CFAP53: variants seen among roughly 807,000 people sequenced by gnomAD.
CFAP53 encodes cilia- and flagella-associated protein 53.
In CFAP53, 62 loss-of-function variants were observed where a neutral mutation model predicts 59.7. The observed-to-expected ratio is 1.04, with a 90% CI of 0.85 to 1.28. CFAP53 has a LOEUF of 1.28. Among genes scored for constraint, CFAP53 ranks in the 50% most tolerant of loss-of-function variants. The pLI is 0.00. For synonymous variants in CFAP53, 218 were observed against 205.7 expected (o/e 1.06, Z -0.51); for missense variants, 629 against 615.6 (o/e 1.02, Z -0.23).
chr18:50,252,336 T>C (rs1019595656), intron 3 of CFAP53, among the ~76,000 whole-genome samples: 1 of 152,022 alleles, frequency 6.6e-6, no homozygotes, highest in Non-Finnish European at 1.5e-5. Flanking sequence ...GATCTCCTGA[T>C]CTTGTGATCC....
chr18:50,239,313 C>T (rs1374565358), intron 6 of CFAP53, among the ~76,000 whole-genome samples: 2 of 151,790 alleles, frequency 1.3e-5, no homozygotes, highest in Non-Finnish European at 1.5e-5. Flanking sequence ...TAGATCGTGC[C>T]ACTGCATTCC....
At position 50,242,965 on chromosome 18, in the gene CFAP53, T is replaced by A. The variant is rs374139927; in HGVS notation, c.1148A>T (p.Lys383Met). ...AEKDKELRLE[K>M]EARRQLVDEV... The stretch of plus-strand genomic sequence containing the variant: ...ATCCACAAGCTGTCTCCTTGCCTCC[T>A]TTTCAAGTCTCAGCTCCTTGTCCTT... The change falls in exon 6 of 8, where the codon AAG (lysine) becomes ATG (methionine). Residue 383 changes from lysine (K) to methionine (M), a missense_variant. Lys to Met is a moderately conservative substitution (Grantham distance 95). Coordinates refer to ENST00000398545, the MANE Select transcript of CFAP53 (RefSeq NM_145020.5). The A allele has an allele frequency of 5.0e-6, 8 of 1,613,890 alleles. No homozygotes were observed. The highest frequency in any genetic ancestry group is 6.8e-6 in the Non-Finnish European group (8 of 1,180,000).
At chr18:50,259,101 T>C (rs945513223) in intron 3 of CFAP53, among the ~76,000 whole-genome samples, 2 of 152,120 alleles carry the variant, frequency 1.3e-5, no homozygotes, top group African/African-American at 4.8e-5. Context: ...CACTGCTGAG[T>C]ATAGGCCCAA....
At chr18:50,260,878 G>C (rs1389851320) in intron 3 of CFAP53, among the ~76,000 whole-genome samples, 186 bp downstream of exon 3, 2 of 152,104 alleles carry the variant, frequency 1.3e-5, no homozygotes, top group African/African-American at 4.8e-5. Flanking sequence ...AGCAAGCACA[G>C]AACATTAGAA....
At chr18:50,232,981 C>T (rs139389052) in intron 7 of CFAP53, among the ~76,000 whole-genome samples, 17 of 152,294 alleles carry the variant, frequency 1.1e-4, no homozygotes, top group African/African-American at 2.9e-4. Flanking sequence ...TTTAAAACTC[C>T]AGCTGGTTAC....
chr18:50,252,520 T>A (rs1422412524), intron 3 of CFAP53, among the ~76,000 whole-genome samples: 2 of 152,076 alleles, frequency 1.3e-5, no homozygotes, highest in African/African-American at 4.8e-5. Flanking sequence ...CCTCCCACCT[T>A]AGCCTCCCAA....
At chr18:50,230,614 A>T (rs79633770) in intron 7 of CFAP53, among the ~76,000 whole-genome samples, 2 of 152,134 alleles carry the variant, frequency 1.3e-5, no homozygotes, top group Non-Finnish European at 2.9e-5. Context: ...GGAACCCCCA[A>T]TTTATAGCTG....
chr18:50,258,744 A>G (rs2033866640), intron 3 of CFAP53, among the ~76,000 whole-genome samples: 1 of 152,230 alleles, frequency 6.6e-6, no homozygotes, highest in African/African-American at 2.4e-5. Flanking sequence ...AAGGAGCTCA[A>G]ACAACTCCAT....
intron 6 of CFAP53, 33 bp from the exon 7 acceptor site, chr18:50,238,738 G>A: frequency 6.6e-7 from 1 of 1,509,290 alleles, no homozygotes; most frequent in Non-Finnish European, 9.2e-7. Context: ...TATGTCAAAT[G>A]ACTTTCAGAC....
intron 5 of CFAP53, among the ~76,000 whole-genome samples, chr18:50,248,129 TAAA>T (rs60474914): frequency 7.4e-6 from 1 of 134,996 alleles, no homozygotes; most frequent in Non-Finnish European, 1.6e-5. Flanking sequence ...CAACAAAAAT[TAAA>T]AAAAAAAAAA....
chr18:50,230,213 TAG>T (rs2033567122), intron 7 of CFAP53, among the ~76,000 whole-genome samples: 1 of 152,228 alleles, frequency 6.6e-6, no homozygotes. Flanking sequence ...TTGTAATTCA[TAG>T]GAACACCCAA....
chr18:50,266,222 A>G (rs1488159655), intron 1 of CFAP53, 114 bp downstream of exon 1: 1 of 935,854 alleles, frequency 1.1e-6, no homozygotes, highest in Non-Finnish European at 1.7e-6. Flanking sequence ...GCATCAGGCG[A>G]CACCCGTTCC....
chr18:50,245,401 A>C lies in CFAP53; in HGVS notation c.997-2285T>G, dbSNP rs868194212. On this transcript the variant is annotated intron_variant, in intron 5 of 7. Coordinates refer to ENST00000398545, the MANE Select transcript of CFAP53 (RefSeq NM_145020.5). ...GAGACTCCGTCTCAAAAAAAAAAAA[A>C]AAAAAAAACTAATAAACGAGTTTAG... Among the ~76,000 whole-genome samples, 841 of 151,850 alleles carry C rather than the reference A, an allele frequency of 5.5e-3. 10 individuals carry two copies. Among genetic ancestry groups the C allele is most frequent in the African/African-American group, 0.019 (805 of 41,482 alleles).
At chr18:50,249,040 T>A (rs2144420000) in intron 5 of CFAP53, among the ~76,000 whole-genome samples, 1 of 148,754 alleles carries the variant, frequency 6.7e-6, no homozygotes, top group Admixed American at 6.7e-5. Context: ...CTGTCTCTAC[T>A]AAAAACACAA....
intron 7 of CFAP53, among the ~76,000 whole-genome samples, chr18:50,230,247 T>C (rs1017448968): frequency 6.6e-6 from 1 of 152,202 alleles, no homozygotes; most frequent in Non-Finnish European, 1.5e-5. Context: ...TAAGCTGACT[T>C]AGGGTAGGGC....
intron 7 of CFAP53, among the ~76,000 whole-genome samples, chr18:50,237,156 A>C (rs1243489501): frequency 1.3e-5 from 2 of 149,938 alleles, no homozygotes; most frequent in Non-Finnish European, 3.0e-5. Context: ...AATAATAAAA[A>C]TTAGCCAGGC....
intron 2 of CFAP53, among the ~76,000 whole-genome samples, chr18:50,261,514 C>A (rs796302215): frequency 9.9e-5 from 15 of 152,182 alleles, no homozygotes; most frequent in African/African-American, 3.6e-4. Flanking sequence ...ACCTCAGCCT[C>A]CTTGAACAGC....
chr18:50,257,207 G>GA (rs1245771718), intron 3 of CFAP53, among the ~76,000 whole-genome samples: 2 of 152,004 alleles, frequency 1.3e-5, no homozygotes, highest in Non-Finnish European at 2.9e-5. Flanking sequence ...AGATGTATCT[G>GA]AAAAAAGGGG....
intron 5 of CFAP53, among the ~76,000 whole-genome samples, chr18:50,250,251 A>G (rs1383256865): frequency 6.6e-6 from 1 of 150,762 alleles, no homozygotes; most frequent in Non-Finnish European, 1.5e-5. Context: ...AGAGAGAGAG[A>G]GAAGTTTAAT....
Sources: allele counts gnomAD v4.1 joint callset (sites outside exome capture counted in the v4.1 genomes callset), GRCh38; gene constraint gnomAD v4.1.1; transcripts MANE v1.5; gene names NCBI Gene and HGNC (gene_info 2026-07-23, HGNC 2026-07-21).